TNRC18: variants seen among roughly 807,000 people sequenced by gnomAD.
TNRC18 encodes the protein trinucleotide repeat containing 18, also known as trinucleotide repeat-containing gene 18 protein.
In TNRC18, 69 loss-of-function variants were observed where a neutral mutation model predicts 226.7. That is an observed-to-expected ratio of 0.30 (90% CI 0.25 to 0.37). The LOEUF (loss-of-function observed/expected upper bound fraction) is 0.37. Among genes scored for constraint, TNRC18 ranks in the 10% least tolerant of loss-of-function variants. The pLI is 1.00. For missense variants in TNRC18, 4,754 were observed against 4,256.6 expected, an observed-to-expected ratio of 1.12 and a Z score of -3.25; for synonymous variants, 2,449 against 1,927.6, an observed-to-expected ratio of 1.27 and a Z score of -7.09.
At chr7:5,413,239 G>A (rs1781953725) in intron 2 of TNRC18, among the ~76,000 whole-genome samples, 14 of 152,166 alleles carry the variant, frequency 9.2e-5, no homozygotes, top group Admixed American at 9.2e-4. Flanking sequence ...ACTGGTTCAT[G>A]CCGGGGAGCC....
In TNRC18 at chr7:5,319,957, C is replaced by G. The variant is rs187453112; in HGVS notation, c.6745+361G>C. Among the ~76,000 whole-genome samples, 17 of 152,324 alleles carry G rather than the reference C, an allele frequency of 1.1e-4. No individual in the cohort carries two copies. The East Asian group carries it at 2.1e-3, about 19-fold the overall frequency. ...CAGGCCCGGTCGATCAGACTCACGG[C>G]AGTAGGATCAATGAAAACCATGTGG... On this transcript the variant is annotated intron_variant, in intron 24 of 29. Transcript: ENST00000430969.
At chr7:5,338,347 C>T (rs1013918076) in intron 18 of TNRC18, among the ~76,000 whole-genome samples, 2 of 152,018 alleles carry the variant, frequency 1.3e-5, no homozygotes, top group South Asian at 2.1e-4. Context: ...AAAAGGTATA[C>T]CACGCCAATT....
At chr7:5,406,747 A>T (rs2128214583) in intron 2 of TNRC18, among the ~76,000 whole-genome samples, 1 of 151,676 alleles carries the variant, frequency 6.6e-6, no homozygotes, top group East Asian at 2.0e-4. Context: ...GCTACTCAGG[A>T]GACTGAGGCA....
intron 13 of TNRC18, 77 bp downstream of exon 13, chr7:5,361,820 C>T (rs1793081108): frequency 1.3e-6 from 2 of 1,514,636 alleles, no homozygotes; most frequent in Non-Finnish European, 1.8e-6. Flanking sequence ...CCACGCACAC[C>T]TCGACGGCTG....
At chr7:5,402,783 G>C (rs1053876496) in intron 2 of TNRC18, among the ~76,000 whole-genome samples, 2 of 151,990 alleles carry the variant, frequency 1.3e-5, no homozygotes, top group Admixed American at 1.3e-4. Context: ...GAACCCAGGA[G>C]ACAGAAGTTG....
chr7:5,416,658 C>T (rs1419856019), intron 2 of TNRC18, among the ~76,000 whole-genome samples: 1 of 150,318 alleles, frequency 6.7e-6, no homozygotes, highest in African/African-American at 2.5e-5. Flanking sequence ...GAGTTTAAGA[C>T]CAGCCTGGCC....
chr7:5,345,808 C>T lies in TNRC18; in HGVS notation c.5473G>A (p.Glu1825Lys), dbSNP rs1168736522. The change falls in exon 18 of 30, where the codon GAG becomes AAG. Residue 1825 changes from glutamate (E) to lysine (K), a missense_variant and splice_region_variant. Coordinates refer to ENST00000430969, the MANE Select transcript of TNRC18 (RefSeq NM_001080495.3). ...TCCTCGTCCTCCTCCTCCGAGCTCTCATCTGGCGTGCAGAAAACAGGGACC... is the reference window on the plus strand; with the variant it reads ...TCCTCGTCCTCCTCCTCCGAGCTCTTATCTGGCGTGCAGAAAACAGGGACC... ...DSSEESFDQD[E>K]SSEEEDEEEE... 1.1e-5 allele frequency: 17 copies of T among 1,541,662 alleles called. No individual in the cohort carries two copies. Among genetic ancestry groups the T allele is most frequent in the Non-Finnish European group, 1.4e-5 (16 of 1,146,156 alleles).
At chr7:5,321,580 C>T (rs1171931196) in intron 21 of TNRC18, among the ~76,000 whole-genome samples, 7 of 152,146 alleles carry the variant, frequency 4.6e-5, no homozygotes, top group Admixed American at 1.3e-4. Context: ...CTCACAGCGA[C>T]GATCCTCCAT....
At position 5,377,714 on chromosome 7, in the gene TNRC18, CG is replaced by C; in HGVS notation, c.2256-139del. 1 of 1,097,162 alleles carries C rather than the reference CG, an allele frequency of 9.1e-7. No individual in the cohort carries two copies. The highest frequency in any genetic ancestry group is 1.3e-6 in the Non-Finnish European group (1 of 766,900). 68.0% of individuals were successfully genotyped at this position (1,097,162 alleles called of 1,614,324 possible). On this transcript the variant is annotated intron_variant, in intron 6 of 29. Coordinates refer to ENST00000430969, the MANE Select transcript of TNRC18 (RefSeq NM_001080495.3). This position sits in a 1 kb window ranked among gnomAD's most constrained non-coding sequence, Gnocchi z 5.8. ...CACTGCTCGGAACTGAAGGGCCTCC[CG>C]GGGCCTTCCACACTCACTGTAGGGG... is the stretch of plus-strand genomic sequence containing the variant.
At chr7:5,330,370 T>C (rs4236387) in intron 19 of TNRC18, among the ~76,000 whole-genome samples, 82,861 of 151,564 alleles carry the variant, frequency 0.55, 24,043 homozygotes, top group East Asian at 0.76. Flanking sequence ...GGTGGGACTA[T>C]AGGCACTGAT....
Position 5,345,517 on chromosome 7 carries a change from G to GCT in TNRC18, c.5719+44_5719+45insAG. ...CCTGTGGGATGGGGCAATGGCGTCCGCCCCTCCCACCCACCCCCACCGCAG... is the reference window on the plus strand; with the variant it reads ...CCTGTGGGATGGGGCAATGGCGTCCGCTCCCCTCCCACCCACCCCCACCGCAG... On this transcript the variant is annotated intron_variant, in intron 18 of 29. Transcript: ENST00000430969. The GCT allele has an allele frequency of 2.0e-4, 74 of 377,744 alleles. 4 individuals carry two copies. The highest frequency in any genetic ancestry group is 8.8e-4 in the South Asian group (20 of 22,822). The allele number at this position is 377,744 out of a possible 1,614,324, so 23.4% of individuals were successfully genotyped here.
At chr7:5,378,203 C>T (rs1779142720) in intron 5 of TNRC18, among the ~76,000 whole-genome samples, 179 bp from the exon 6 acceptor site, 1 of 152,216 alleles carries the variant, frequency 6.6e-6, no homozygotes, top group East Asian at 1.9e-4. Flanking sequence ...TCCCCCAAAC[C>T]CCAACTGGGG....
intron 10 of TNRC18, among the ~76,000 whole-genome samples, chr7:5,373,019 A>G (rs1794308087): frequency 6.6e-6 from 1 of 152,124 alleles, no homozygotes; most frequent in Non-Finnish European, 1.5e-5. Context: ...TTAGCCGGGC[A>G]TGGTGGCACA....
At chr7:5,357,954 G>A (rs1249968440) in intron 15 of TNRC18, among the ~76,000 whole-genome samples, 2 of 152,168 alleles carry the variant, frequency 1.3e-5, no homozygotes, top group Non-Finnish European at 2.9e-5. Context: ...CTGGCTTTCC[G>A]TGGCACTGCT....
chr7:5,401,082 G>C (rs7804677), intron 2 of TNRC18, among the ~76,000 whole-genome samples: 63,138 of 151,776 alleles, frequency 0.42, 14,262 homozygotes, highest in Non-Finnish European at 0.51. Flanking sequence ...GGTGGCTCAC[G>C]CCTGTAATCC....
intron 15 of TNRC18, among the ~76,000 whole-genome samples, chr7:5,358,158 G>C (rs1439736937): frequency 1.3e-5 from 2 of 152,190 alleles, no homozygotes; most frequent in African/African-American, 4.8e-5. Context: ...CCAACTAAAG[G>C]GGCCGAAGCT....
At chr7:5,397,897 A>G (rs1331677206) in intron 2 of TNRC18, among the ~76,000 whole-genome samples, 2 of 152,052 alleles carry the variant, frequency 1.3e-5, no homozygotes, top group Non-Finnish European at 1.5e-5. Context: ...GGCGGGGACT[A>G]TCTTCCTTAC....
chr7:5,411,802 G>A (rs934424958), intron 2 of TNRC18, among the ~76,000 whole-genome samples: 32 of 151,936 alleles, frequency 2.1e-4, no homozygotes, highest in Non-Finnish European at 4.4e-5. Context: ...GACTAGAGAA[G>A]GAAGATGGAA....
At chr7:5,413,936 T>C (rs1781996665) in intron 2 of TNRC18, among the ~76,000 whole-genome samples, 1 of 152,174 alleles carries the variant, frequency 6.6e-6, no homozygotes, top group African/African-American at 2.4e-5. Context: ...ATCCAACAAC[T>C]GTGAACTGCT....
Sources: gnomAD v4.1 joint callset for allele counts (sites outside exome capture counted in the v4.1 genomes callset) on GRCh38, gnomAD v4.1.1 for gene constraint, Gnocchi (gnomAD v3.1) non-coding constraint, MANE v1.5 for transcripts, NCBI Gene and HGNC (gene_info 2026-07-23, HGNC 2026-07-21) for gene names.